FAT1: variants seen among roughly 807,000 people sequenced by gnomAD.
The protein encoded by FAT1 is protocadherin Fat 1.
In FAT1, 171 loss-of-function variants were observed where a neutral mutation model predicts 329.8. The observed-to-expected ratio is 0.52, with a 90% CI of 0.46 to 0.59. The LOEUF is 0.59. FAT1 is among the 20% of genes least tolerant of loss of function. FAT1 has a pLI of 0.00. For missense variants in FAT1, 5,672 were observed against 5,774.4 expected, an observed-to-expected ratio of 0.98 and a Z score of 0.57; for synonymous variants, 2,233 against 2,228.6, an observed-to-expected ratio of 1.00 and a Z score of -0.06.
At chr4:186,649,630 C>T (rs1013195745) in intron 3 of FAT1, among the ~76,000 whole-genome samples, 3 of 152,126 alleles carry the variant, frequency 2.0e-5, no homozygotes, top group African/African-American at 7.2e-5. Flanking sequence ...CAGCAGGTTC[C>T]TGGAGACTGG....
At chr4:186,675,417 A>G (rs1742906576) in intron 2 of FAT1, among the ~76,000 whole-genome samples, 1 of 152,076 alleles carries the variant, frequency 6.6e-6, no homozygotes, top group Non-Finnish European at 1.5e-5. Context: ...CAGTGAGTTG[A>G]GATTGCGCCA....
Position 186,699,019 on chromosome 4 carries a change from A to T in FAT1, c.3265+7544T>A, listed in dbSNP as rs147362043. 4.7e-4 allele frequency among the ~76,000 whole-genome samples: 72 copies of T among 152,360 alleles called. 1 individual carries two copies. The highest frequency in any genetic ancestry group is 1.7e-3 in the African/African-American group (70 of 41,588). On this transcript the variant is annotated intron_variant, in intron 2 of 26. Transcript: ENST00000441802. ...CGTGTTTTTATAATTTGGCACAGAC[A>T]TGAACTCCATGAGCAGAGTATAACA... is the stretch of plus-strand genomic sequence containing the variant.
rs760550311 is a variant in FAT1, at chr4:186,633,815, A to T, written c.4192T>A (p.Tyr1398Asn). The T allele has an allele frequency of 3.1e-6, 5 of 1,613,914 alleles. No homozygotes were observed. The change falls in exon 7 of 27, where the codon TAC becomes AAC. Residue 1398 changes from tyrosine to asparagine, a missense_variant. Coordinates refer to ENST00000441802, the MANE Select transcript of FAT1 (RefSeq NM_005245.4). The stretch of plus-strand genomic sequence containing the variant: ...TTGTCCACATCGAAGTGACTGTCGT[A>T]GTTGCCACCTAATTTGGGGAAAAAA... The part of the protein sequence containing the change: ...PLWFDITGGN[Y>N]DSHFDVDKGT...
At chr4:186,692,558 C>G (rs539919543) in intron 2 of FAT1, among the ~76,000 whole-genome samples, 1 of 152,126 alleles carries the variant, frequency 6.6e-6, no homozygotes, top group Non-Finnish European at 1.5e-5. Flanking sequence ...GTGATCCGCC[C>G]GCCTCGGCCT....
At chr4:186,725,486 T>C (rs1044708973), upstream of FAT1, among the ~76,000 whole-genome samples, 1 of 151,434 alleles carries the variant, frequency 6.6e-6, no homozygotes, top group African/African-American at 2.4e-5. The surrounding 1 kb of genome is among the most constrained non-coding windows in gnomAD (Gnocchi z 5.4). Flanking sequence ...GCTTACTAGA[T>C]GTTTTACATC....
chr4:186,701,945 C>A (rs74772720), intron 2 of FAT1, among the ~76,000 whole-genome samples: 30,667 of 151,694 alleles, frequency 0.2, 3,705 homozygotes, highest in African/African-American at 0.34. Context: ...CTAAGCCGGG[C>A]GGCCAGGAGC....
intron 2 of FAT1, among the ~76,000 whole-genome samples, chr4:186,680,564 G>A (rs568277510): frequency 6.6e-6 from 1 of 152,276 alleles, no homozygotes; most frequent in South Asian, 2.1e-4. Context: ...CCTCTTACAT[G>A]AACACTACCT....
chr4:186,630,632 A>C (rs900482339), intron 7 of FAT1, among the ~76,000 whole-genome samples: 1 of 152,158 alleles, frequency 6.6e-6, no homozygotes, highest in African/African-American at 2.4e-5. Flanking sequence ...TTACTGGGTG[A>C]CAGGCTCTCA....
At chr4:186,686,897 T>A (rs1013333902) in intron 2 of FAT1, among the ~76,000 whole-genome samples, 2 of 152,126 alleles carry the variant, frequency 1.3e-5, no homozygotes, top group Non-Finnish European at 2.9e-5. Flanking sequence ...AACAGCAAAA[T>A]TACATTTTTA....
At position 186,621,285 on chromosome 4, in the gene FAT1, C is replaced by T. The variant is rs2126523845; in HGVS notation, c.5301G>A (p.Gln1767=). 1.2e-6 allele frequency: 2 copies of T among 1,614,012 alleles called. No homozygotes were observed. The highest frequency in any genetic ancestry group is 2.2e-5 in the East Asian group (1 of 44,888). ...DENDNAPVFM[Q]AEYTGLISES... ...CACTAATGAGTCCTGTATATTCTGCCTGCATAAAAACTGGCGCGTTGTCAT... is the reference window on the plus strand; with the variant it reads ...CACTAATGAGTCCTGTATATTCTGCTTGCATAAAAACTGGCGCGTTGTCAT... The change falls in exon 10 of 27, where the codon CAG becomes CAA. Residue 1767 remains glutamine (Q), a synonymous_variant. Transcript: ENST00000441802.
chr4:186,676,694 C>T (rs370011443), intron 2 of FAT1, among the ~76,000 whole-genome samples: 1 of 152,168 alleles, frequency 6.6e-6, no homozygotes, highest in Non-Finnish European at 1.5e-5. Flanking sequence ...TGAGATTCCT[C>T]CTGTTACAGT....
Position 186,618,444 on chromosome 4 carries a change from C to T in FAT1, c.8142G>A (p.Glu2714=), listed in dbSNP as rs2126495399. Residue 2714 remains glutamate (E), a synonymous_variant, in exon 10 of 27, where the codon GAG becomes GAA. Coordinates refer to ENST00000441802, the MANE Select transcript of FAT1 (RefSeq NM_005245.4). ...SEPFYTFTVS[E]DVPIGTEIDL... is the part of the protein sequence containing the mutation. ...CTATCTCTGTTCCAATAGGCACGTC[C>T]TCTGACACTGTAAAGGTATAGAAAG... 2 of 1,614,020 alleles carry T rather than the reference C, an allele frequency of 1.2e-6. No individual in the cohort carries two copies. Among genetic ancestry groups the T allele is most frequent in the South Asian group, 2.2e-5 (2 of 91,086 alleles).
chr4:186,628,786 T>G lies in FAT1; in HGVS notation c.4324-23A>C. On this transcript the variant is annotated intron_variant, in intron 7 of 26. Coordinates refer to ENST00000441802, the MANE Select transcript of FAT1 (RefSeq NM_005245.4). ...TACCTGTAATGGATGACAAAATGAC[T>G]CATACAATATTTCCAATTATGAATG... is the stretch of plus-strand genomic sequence containing the variant. The G allele has an allele frequency of 1.9e-6, 3 of 1,597,342 alleles. No homozygotes were observed. The South Asian group carries it at 3.4e-5, about 18-fold the overall frequency.
At position 186,628,539 on chromosome 4, in the gene FAT1, A is replaced by C. The variant is rs1740435585; in HGVS notation, c.4548T>G (p.Thr1516=). 6.2e-7 allele frequency: 1 copy of C among 1,613,872 alleles called. No individual in the cohort carries two copies. Among genetic ancestry groups the C allele is most frequent in the Non-Finnish European group, 8.5e-7 (1 of 1,179,888 alleles). ...CAGCTTCATGATCCAGTTTCTCAGA[A>C]GTATAGAGAGAGCCGGTTGCAGGAT... ...RLDPATGSLY[T]SEKLDHEAVH... The change falls in exon 8 of 27, where the codon ACT becomes ACG. Residue 1516 remains threonine (T), a synonymous_variant. Transcript: ENST00000441802.
intron 2 of FAT1, among the ~76,000 whole-genome samples, chr4:186,668,479 C>G (rs759658856): frequency 2.6e-5 from 4 of 152,350 alleles, no homozygotes; most frequent in East Asian, 1.9e-4. Flanking sequence ...ATTTGTCCAA[C>G]TCCAAGAAGC....
At chr4:186,609,384 A>G in intron 15 of FAT1, 64 bp from the exon 16 acceptor site, 1 of 1,534,104 alleles carries the variant, frequency 6.5e-7, no homozygotes, top group Non-Finnish European at 8.8e-7. Context: ...ATTACACAAA[A>G]TTTGTGATAT....
At chr4:186,649,741 C>T (rs1741546361) in intron 3 of FAT1, among the ~76,000 whole-genome samples, 1 of 152,122 alleles carries the variant, frequency 6.6e-6, no homozygotes, top group Non-Finnish European at 1.5e-5. Context: ...CGACAGAATC[C>T]ACCTCTGTCG....
At chr4:186,621,827 T>A (rs2126528747) in intron 9 of FAT1, 52 bp from the exon 10 acceptor site, 1 of 1,115,196 alleles carries the variant, frequency 9.0e-7, no homozygotes, top group Non-Finnish European at 1.2e-6. Context: ...GGGGCAGTAG[T>A]AGTAGTAGTT....
At chr4:186,603,095 T>C (rs1738897814) in intron 19 of FAT1, 61 bp from the exon 20 acceptor site, 2 of 1,611,222 alleles carry the variant, frequency 1.2e-6, no homozygotes, top group Admixed American at 1.7e-5. Flanking sequence ...GAACATCACC[T>C]TTCATGTATA....
Sources: allele counts gnomAD v4.1 joint callset (sites outside exome capture counted in the v4.1 genomes callset), GRCh38; gene constraint gnomAD v4.1.1; non-coding constraint Gnocchi (gnomAD v3.1); transcripts MANE v1.5; gene names NCBI Gene and HGNC (gene_info 2026-07-23, HGNC 2026-07-21).